The following DNAH17 variants were observed in gnomAD, a reference collection of about 807,000 sequenced individuals.
The protein encoded by DNAH17 is dynein axonemal heavy chain 17.
A neutral mutation model predicts 485.6 loss-of-function variants in DNAH17; 376 were observed. The observed-to-expected ratio is 0.77, with a 90% confidence interval of 0.71 to 0.84. The LOEUF (loss-of-function observed/expected upper bound fraction) is 0.84, where lower values mean the gene tolerates loss of function less well. Among genes scored for constraint, DNAH17 ranks in the 40% least tolerant of loss-of-function variants. DNAH17 has a pLI of 0.00. For synonymous variants in DNAH17, 3,031 were observed against 2,405.9 expected, an observed-to-expected ratio of 1.26 and a Z score of -7.60; for missense variants, 6,370 against 5,839.3, an observed-to-expected ratio of 1.09 and a Z score of -2.96.
intron 37 of DNAH17, 70 bp downstream of exon 37, chr17:78,498,938 G>T: frequency 8.1e-7 from 1 of 1,228,262 alleles, no homozygotes; most frequent in South Asian, 1.5e-5. Flanking sequence ...TATCTGGCGT[G>T]TGAGGTCACA....
chr17:78,509,363 G>A (rs11658045), intron 27 of DNAH17, among the ~76,000 whole-genome samples: 16,881 of 151,956 alleles, frequency 0.11, 1,218 homozygotes, highest in Middle Eastern at 0.17. Context: ...GGGCTCAAGC[G>A]CTCCTCCTGC....
chr17:78,526,700 T>TCA lies in DNAH17; in HGVS notation c.3661_3662insTG (p.Glu1221ValfsTer16). On this transcript the variant is annotated frameshift_variant, in exon 24 of 81. Coordinates refer to ENST00000389840, the MANE Select transcript of DNAH17 (RefSeq NM_173628.4). LOFTEE classifies it high-confidence loss of function. ...GGGGTCGCTGAAGGAGAACGGGGCCTCGCGCCTGAACCTCTCCCTGAACTC... is the reference window on the plus strand; with the variant it reads ...GGGGTCGCTGAAGGAGAACGGGGCCTCACGCGCCTGAACCTCTCCCTGAACTC... The TCA allele has an allele frequency of 6.2e-7, 1 of 1,611,186 alleles. No homozygotes were observed. Among genetic ancestry groups the TCA allele is most frequent in the Middle Eastern group, 1.7e-4 (1 of 6,036 alleles).
intron 75 of DNAH17, among the ~76,000 whole-genome samples, chr17:78,430,191 T>C (rs745378292): frequency 9.2e-5 from 14 of 152,244 alleles, no homozygotes; most frequent in Non-Finnish European, 1.8e-4. Flanking sequence ...TGGAGCCTCT[T>C]TCTCCTGCAC....
At position 78,503,024 on chromosome 17, in the gene DNAH17, G is replaced by A. The variant is rs755331540; in HGVS notation, c.4957-13C>T. 4.3e-6 allele frequency: 7 copies of A among 1,611,932 alleles called. No homozygotes were observed. In the South Asian group the frequency reaches 6.6e-5, roughly 15 times the overall value. Reference sequence around the variant, plus strand: ...GCCACACTTCCACCTGGGGACGGGAGCCACGGTGACCAATACAGCCATGTG... The same window carrying A: ...GCCACACTTCCACCTGGGGACGGGAACCACGGTGACCAATACAGCCATGTG... On this transcript the variant is annotated splice_polypyrimidine_tract_variant and intron_variant, in intron 31 of 80. Coordinates refer to ENST00000389840, the MANE Select transcript of DNAH17 (RefSeq NM_173628.4).
intron 74 of DNAH17, among the ~76,000 whole-genome samples, chr17:78,435,753 C>G (rs547781191): frequency 6.6e-6 from 1 of 152,348 alleles, no homozygotes; most frequent in East Asian, 1.9e-4. Flanking sequence ...CGTTCCAGGA[C>G]TGGTGCTGAC....
At chr17:78,477,078 C>T (rs1297647682) in intron 51 of DNAH17, among the ~76,000 whole-genome samples, 1 of 152,174 alleles carries the variant, frequency 6.6e-6, no homozygotes, top group East Asian at 1.9e-4. Flanking sequence ...GCTTGGGTAC[C>T]ACAGCAAGCC....
At position 78,441,075 on chromosome 17, in the gene DNAH17, G is replaced by C; in HGVS notation, c.11653C>G (p.Pro3885Ala). The C allele has an allele frequency of 6.2e-7, 1 of 1,604,762 alleles. No homozygotes were observed. The change falls in exon 72 of 81, where the codon CCC (proline) becomes GCC (alanine). Residue 3885 changes from proline to alanine, a missense_variant. Coordinates refer to ENST00000389840, the MANE Select transcript of DNAH17 (RefSeq NM_173628.4). ...IFFILSPGVD[P>A]LKDVEALGKK... The stretch of plus-strand genomic sequence containing the variant: ...CCCAGGGCTTCCACGTCTTTCAAGG[G>C]GTCAACCCCCGGGGAGAGGATGAAG...
chr17:78,437,290 G>A (rs1052884344), intron 74 of DNAH17, among the ~76,000 whole-genome samples: 1 of 152,170 alleles, frequency 6.6e-6, no homozygotes, highest in African/African-American at 2.4e-5. Flanking sequence ...ACCCCACGGA[G>A]CTTGGCCCCA....
intron 64 of DNAH17, among the ~76,000 whole-genome samples, 167 bp from the exon 65 acceptor site, chr17:78,453,632 C>T (rs1020230921): frequency 3.9e-5 from 6 of 152,222 alleles, no homozygotes; most frequent in African/African-American, 1.2e-4. Context: ...TGAAAGGAGC[C>T]GAGGGGCTTC....
intron 38 of DNAH17, among the ~76,000 whole-genome samples, chr17:78,495,438 T>C (rs1424740011): frequency 4.8e-5 from 1 of 20,810 alleles, no homozygotes; most frequent in Non-Finnish European, 7.6e-5. Flanking sequence ...CCTGGGAGTG[T>C]TTTTTTTTTT....
intron 20 of DNAH17, among the ~76,000 whole-genome samples, chr17:78,531,708 ATC>A (rs1271456660): frequency 6.6e-5 from 10 of 152,124 alleles, no homozygotes; most frequent in Admixed American, 2.6e-4. Flanking sequence ...TTTGTGTGGA[ATC>A]TCTTTTTCTA....
chr17:78,484,038 G>A (rs1305079704), intron 48 of DNAH17, among the ~76,000 whole-genome samples: 1 of 123,122 alleles, frequency 8.1e-6, no homozygotes, highest in African/African-American at 3.1e-5. Context: ...GGAGGTTGCA[G>A]TAAGCCAAGA....
chr17:78,426,836 C>A, intron 78 of DNAH17, 90 bp downstream of exon 78: 2 of 1,466,776 alleles, frequency 1.4e-6, no homozygotes, highest in South Asian at 1.2e-5. Flanking sequence ...TGATCCGGGG[C>A]CTGTGCTAGG....
rs955676483 is a variant in DNAH17, at chr17:78,551,396, G to T, written c.2391+139C>A. ...GGGACCACTCTGATATCATCCTACC[G>T]GTGGAGAGCACTGCACGGCAGCTCC... On this transcript the variant is annotated intron_variant, in intron 16 of 80. Transcript: ENST00000389840. 8.7e-6 allele frequency: 6 copies of T among 687,384 alleles called. No homozygotes were observed. The African/African-American group carries it at 1.1e-4, about 12-fold the overall frequency. The allele number at this position is 687,384 out of a possible 1,614,324, so 42.6% of individuals were successfully genotyped here.
At chr17:78,569,120 G>A (rs1391149517) in intron 9 of DNAH17, 46 bp downstream of exon 9, 3 of 1,455,656 alleles carry the variant, frequency 2.1e-6, no homozygotes, top group Non-Finnish European at 2.8e-6. Context: ...TAGGGTAGGA[G>A]CAGTCTGGGA....
intron 66 of DNAH17, among the ~76,000 whole-genome samples, chr17:78,451,187 G>A (rs370466220): frequency 1.3e-5 from 2 of 152,260 alleles, no homozygotes; most frequent in Non-Finnish European, 2.9e-5. Context: ...GCGCTTTGGA[G>A]CTTAGAGCCC....
intron 70 of DNAH17, 109 bp from the exon 71 acceptor site, chr17:78,444,906 C>T (rs988699842): frequency 7.8e-6 from 9 of 1,158,838 alleles, no homozygotes; most frequent in Admixed American, 6.5e-5. Context: ...CCGAGGAAAC[C>T]GGGGCTCTGG....
chr17:78,569,005 C>T (rs2092311141), intron 9 of DNAH17, among the ~76,000 whole-genome samples, 161 bp downstream of exon 9: 1 of 152,120 alleles, frequency 6.6e-6, no homozygotes, highest in African/African-American at 2.4e-5. Context: ...ACGGCAGATG[C>T]TGCCGCAAAG....
Position 78,507,541 on chromosome 17 carries a change from T to TCTCCAGGTGG in DNAH17, c.4491_4500dup (p.Ser1501ProfsTer24). On this transcript the variant is annotated frameshift_variant, in exon 28 of 81. Transcript: ENST00000389840. LOFTEE classifies it high-confidence loss of function. ...ATGTCTTCGGAGCCGATGAAGATGC[T>TCTCCAGGTGG]CTCCAGGTGGCTCCAGGTTCGCTGG... 6.2e-7 allele frequency: 1 copy of TCTCCAGGTGG among 1,613,988 alleles called. No homozygotes were observed. The highest frequency in any genetic ancestry group is 8.5e-7 in the Non-Finnish European group (1 of 1,179,890).
Sources: gnomAD v4.1 joint callset for allele counts (sites outside exome capture counted in the v4.1 genomes callset) on GRCh38, gnomAD v4.1.1 for gene constraint, MANE v1.5 for transcripts, NCBI Gene and HGNC (gene_info 2026-07-23, HGNC 2026-07-21) for gene names.